The following CACNG3 variants were observed in gnomAD, a reference collection of about 807,000 sequenced individuals.
CACNG3 encodes calcium voltage-gated channel auxiliary subunit gamma 3, also known as voltage-dependent calcium channel gamma-3 subunit.
CACNG3 carries 3 observed loss-of-function variants against 28.5 expected under a neutral mutation model. That is an observed-to-expected ratio of 0.11 (90% CI 0.05 to 0.27). The LOEUF (loss-of-function observed/expected upper bound fraction) is 0.27, where lower values mean the gene tolerates loss of function less well. Among genes scored for constraint, CACNG3 ranks in the 10% least tolerant of loss-of-function variants. CACNG3 has a pLI of 1.00. For synonymous variants in CACNG3, 174 were observed against 162.2 expected (o/e 1.07, Z -0.55); for missense variants, 236 against 414.4 (o/e 0.57, Z 3.74).
chr16:24,275,053 C>G (rs544184301), intron 1 of CACNG3, among the ~76,000 whole-genome samples: 11 of 152,194 alleles, frequency 7.2e-5, no homozygotes, highest in African/African-American at 2.6e-4. Flanking sequence ...AAGGTTGAAA[C>G]TATTTCAGAA....
At chr16:24,313,064 CGAGG>C (rs903814508) in intron 1 of CACNG3, among the ~76,000 whole-genome samples, 13 of 61,082 alleles carry the variant, frequency 2.1e-4, no homozygotes, top group Admixed American at 6.2e-4. Context: ...AGAGAGAAAG[CGAGG>C]GAGGGAGGAA....
At chr16:24,335,117 C>G (rs1363850779) in intron 1 of CACNG3, among the ~76,000 whole-genome samples, 1 of 152,150 alleles carries the variant, frequency 6.6e-6, no homozygotes, top group Non-Finnish European at 1.5e-5. Flanking sequence ...TCAGCTTCCC[C>G]TTCTATAAAA....
At chr16:24,295,090 C>A (rs1899014393) in intron 1 of CACNG3, among the ~76,000 whole-genome samples, 1 of 152,128 alleles carries the variant, frequency 6.6e-6, no homozygotes, top group African/African-American at 2.4e-5. Flanking sequence ...CCTCAGAGAC[C>A]AAGTCCTAGA....
At chr16:24,326,346 T>A (rs2141371769) in intron 1 of CACNG3, among the ~76,000 whole-genome samples, 1 of 152,150 alleles carries the variant, frequency 6.6e-6, no homozygotes, top group East Asian at 1.9e-4. Context: ...TCATTTTGTA[T>A]TTTTAGTAGA....
At chr16:24,298,779 A>G (rs2158245) in intron 1 of CACNG3, among the ~76,000 whole-genome samples, 19,255 of 152,154 alleles carry the variant, frequency 0.13, 1,373 homozygotes, top group African/African-American at 0.18. Context: ...AAGGGATTTC[A>G]AACTTTCCTT....
At chr16:24,337,534 G>A (rs78524898) in intron 1 of CACNG3, among the ~76,000 whole-genome samples, 2,119 of 151,980 alleles carry the variant, frequency 0.014, 56 homozygotes, top group African/African-American at 0.046. Flanking sequence ...AAACATACAG[G>A]CCAGGTCCAT....
At chr16:24,263,011 C>T (rs1021222674) in intron 1 of CACNG3, among the ~76,000 whole-genome samples, 1 of 152,156 alleles carries the variant, frequency 6.6e-6, no homozygotes, top group Non-Finnish European at 1.5e-5. Flanking sequence ...ACAAGCTTAC[C>T]CAAGGGATCA....
intron 1 of CACNG3, among the ~76,000 whole-genome samples, chr16:24,283,253 A>G (rs1217385114): frequency 1.3e-5 from 2 of 152,186 alleles, no homozygotes; most frequent in South Asian, 2.1e-4. Context: ...GGATATTGAG[A>G]TATTAATTTT....
intron 1 of CACNG3, among the ~76,000 whole-genome samples, chr16:24,337,423 GA>G (rs1271132633): frequency 1.3e-5 from 2 of 152,088 alleles, no homozygotes; most frequent in African/African-American, 4.8e-5. Context: ...GCTGAGATCT[GA>G]AAGGAAACAC....
intron 1 of CACNG3, among the ~76,000 whole-genome samples, chr16:24,264,575 C>A (rs184848309): frequency 6.6e-6 from 1 of 152,322 alleles, no homozygotes; most frequent in East Asian, 1.9e-4. Context: ...GCCAGAGAAG[C>A]AGTGACAGCA....
chr16:24,356,082 C>T (rs1231434763), intron 3 of CACNG3, among the ~76,000 whole-genome samples: 2 of 152,156 alleles, frequency 1.3e-5, no homozygotes, highest in East Asian at 1.9e-4. Context: ...ATCCTTCATC[C>T]TTGCTTTCAC....
chr16:24,346,018 C>T (rs1335369639), intron 1 of CACNG3, among the ~76,000 whole-genome samples: 1 of 152,174 alleles, frequency 6.6e-6, no homozygotes, highest in Non-Finnish European at 1.5e-5. Flanking sequence ...AAGAAAAATT[C>T]TTAAGCCCTG....
Position 24,346,925 on chromosome 16 carries a change from A to C in CACNG3, c.295+108A>C, listed in dbSNP as rs1006731150. ...CCTCAGCATCTGTCCCTAGAAATAG[A>C]TAAGTGCAAAGAAGCCCCATGTGCC... On this transcript the variant is annotated intron_variant, in intron 2 of 3. Coordinates refer to ENST00000005284, the MANE Select transcript of CACNG3 (RefSeq NM_006539.4). The C allele has an allele frequency of 8.5e-6, 7 of 826,808 alleles. 1 individual carries two copies. The South Asian group carries it at 1.1e-4, about 13-fold the overall frequency. The allele number at this position is 826,808 out of a possible 1,614,324, so 51.2% of individuals were successfully genotyped here. A position where few individuals can be genotyped will look rare whatever the true frequency, so the allele number is the denominator to read the frequency against.
chr16:24,271,708 T>C (rs1898693154), intron 1 of CACNG3, among the ~76,000 whole-genome samples: 2 of 152,294 alleles, frequency 1.3e-5, no homozygotes, highest in Non-Finnish European at 1.5e-5. Flanking sequence ...ACATGGTTCC[T>C]GTCTTTGGTA....
intron 1 of CACNG3, among the ~76,000 whole-genome samples, chr16:24,265,397 A>G (rs1028334489): frequency 2.0e-5 from 3 of 148,820 alleles, no homozygotes; most frequent in African/African-American, 7.5e-5. Flanking sequence ...GAAAGAAGAA[A>G]GAAAGAAAAA....
chr16:24,335,421 AATAC>A (rs112226778), intron 1 of CACNG3, among the ~76,000 whole-genome samples: 10 of 152,178 alleles, frequency 6.6e-5, no homozygotes, highest in South Asian at 2.1e-4. Context: ...CTCCATCTCA[AATAC>A]ATACATACAT....
At chr16:24,276,876 T>G (rs889803472) in intron 1 of CACNG3, among the ~76,000 whole-genome samples, 1 of 152,186 alleles carries the variant, frequency 6.6e-6, no homozygotes, top group East Asian at 1.9e-4. Context: ...GCAAAAAAAC[T>G]GAGATTTTTG....
chr16:24,352,155 A>G (rs2141382569), intron 2 of CACNG3, among the ~76,000 whole-genome samples: 1 of 152,230 alleles, frequency 6.6e-6, no homozygotes, highest in Non-Finnish European at 1.5e-5. Flanking sequence ...TGAAAACACA[A>G]ACAAGCAAAC....
intron 1 of CACNG3, among the ~76,000 whole-genome samples, chr16:24,331,949 A>C (rs575203497): frequency 6.6e-6 from 1 of 151,988 alleles, no homozygotes; most frequent in Admixed American, 6.5e-5. Flanking sequence ...CCCCAATCAC[A>C]TTCTCTCCAG....
Sources: allele counts gnomAD v4.1 joint callset (sites outside exome capture counted in the v4.1 genomes callset), GRCh38; gene constraint gnomAD v4.1.1; transcripts MANE v1.5; gene names NCBI Gene and HGNC (gene_info 2026-07-23, HGNC 2026-07-21).